The following BPTF variants were observed in gnomAD, a reference collection of about 807,000 sequenced individuals.
The protein encoded by BPTF is bromodomain PHD finger transcription factor, also known as nucleosome-remodeling factor subunit BPTF.
Under a neutral mutation model 292.5 loss-of-function variants are expected in BPTF, and 18 were observed. The ratio of observed to expected loss-of-function variants is 0.06; its 90% CI spans 0.04 to 0.09. The LOEUF is 0.09. Among genes scored for constraint, BPTF ranks in the 10% least tolerant of loss-of-function variants. The probability of loss-of-function intolerance (pLI) is 1.00; values close to 1 mark genes in which losing one functional copy is unlikely to be tolerated. For synonymous variants in BPTF, 1,225 were observed against 1,251.9 expected (o/e 0.98, Z 0.45); for missense variants, 2,726 against 3,498.7 (o/e 0.78, Z 5.57).
intron 27 of BPTF, among the ~76,000 whole-genome samples, chr17:67,979,105 C>T (rs868977387): frequency 4.3e-5 from 6 of 138,770 alleles, no homozygotes; most frequent in South Asian, 5.0e-4. Flanking sequence ...ATGAGGTAGA[C>T]GCTGCAGTGA....
intron 2 of BPTF, among the ~76,000 whole-genome samples, chr17:67,858,669 G>A (rs2058877886): frequency 1.3e-5 from 2 of 152,068 alleles, no homozygotes; most frequent in African/African-American, 2.4e-5. Flanking sequence ...ACATTCAGCA[G>A]TTAGCAGGTC....
At chr17:67,850,987 C>A (rs2058361306) in intron 1 of BPTF, among the ~76,000 whole-genome samples, 1 of 152,004 alleles carries the variant, frequency 6.6e-6, no homozygotes, top group Non-Finnish European at 1.5e-5. Flanking sequence ...CAAATTGATA[C>A]AATAAGCAAA....
In BPTF at chr17:67,854,020, T is replaced by C; in HGVS notation, c.694T>C (p.Ser232Pro). 1 of 1,614,202 alleles carries C rather than the reference T, an allele frequency of 6.2e-7. No homozygotes were observed. The highest frequency in any genetic ancestry group is 8.5e-7 in the Non-Finnish European group (1 of 1,180,026). Residue 232 changes from serine (S) to proline (P), a missense_variant, in exon 2 of 28, where the codon TCC becomes CCC. By Grantham distance (74) the Ser-to-Pro change is moderately conservative (BLOSUM62 -1). Transcript: ENST00000306378. This position sits in a 1 kb window ranked among gnomAD's most constrained non-coding sequence, Gnocchi z 5.6. ...KDIPPLEFPK[S>P]SEDLMVPNEH... ...CATCCCGCCCCTTGAATTTCCCAAG[T>C]CCTCTGAGGATTTAATGGTGCCTAA...
intron 11 of BPTF, among the ~76,000 whole-genome samples, chr17:67,918,402 T>C (rs1054796222): frequency 6.6e-6 from 1 of 152,236 alleles, no homozygotes; most frequent in Non-Finnish European, 1.5e-5. Context: ...AGGTTAACTT[T>C]ATAAAGTCTT....
At position 67,979,169 on chromosome 17, in the gene BPTF, C is replaced by CAAA. The variant is rs11376410; in HGVS notation, c.8727-3064_8727-3062dup. Among the ~76,000 whole-genome samples, 360 of 71,848 alleles carry CAAA rather than the reference C, an allele frequency of 5.0e-3. 10 individuals carry two copies. Among genetic ancestry groups the CAAA allele is most frequent in the Non-Finnish European group, 6.0e-3 (272 of 45,168 alleles). The allele number at this position is 71,848 out of a possible 152,430, so 47.1% of individuals were successfully genotyped here. A position where few individuals can be genotyped will look rare whatever the true frequency, so the allele number is the denominator to read the frequency against. On this transcript the variant is annotated intron_variant, in intron 27 of 27. Transcript: ENST00000306378. ...TGGAAGACACAACAAGACCCTGTCT[C>CAAA]AAAAAAAAAAAAAAAAAAAAAGGCC...
chr17:67,842,290 G>C lies in BPTF; in HGVS notation c.614-11650G>C, dbSNP rs549278311. Among the ~76,000 whole-genome samples the C allele has an allele frequency of 2.6e-5, 4 of 151,990 alleles. No individual in the cohort carries two copies. In the South Asian group the frequency reaches 8.3e-4, roughly 32 times the overall value. On this transcript the variant is annotated intron_variant, in intron 1 of 27. Coordinates refer to ENST00000306378, the MANE Select transcript of BPTF (RefSeq NM_182641.4). ...ATACAATGCATGCATGATACCTTTG[G>C]CCACTACATCCTTCTTAAATTTCCT...
chr17:67,854,433 T>A lies in BPTF; in HGVS notation c.1107T>A (p.Asp369Glu). Residue 369 changes from aspartate (D) to glutamate (E), a missense_variant, in exon 2 of 28, where the codon GAT becomes GAA. Physicochemically the swap from Asp to Glu is conservative, Grantham distance 45. Coordinates refer to ENST00000306378, the MANE Select transcript of BPTF (RefSeq NM_182641.4). This position sits in a 1 kb window ranked among gnomAD's most constrained non-coding sequence, Gnocchi z 5.6. The part of the protein sequence containing the change: ...NKIKVLQFLV[D>E]QFLTTNIARE... ...TCAAAGTTCTACAGTTTCTAGTCGA[T>A]CAGTTTCTTACAACAAATATTGCTC... The A allele has an allele frequency of 6.2e-7, 1 of 1,614,198 alleles. No individual in the cohort carries two copies. Among genetic ancestry groups the A allele is most frequent in the South Asian group, 1.1e-5 (1 of 91,084 alleles).
chr17:67,858,117 G>T (rs2145157727), intron 2 of BPTF, among the ~76,000 whole-genome samples: 1 of 152,278 alleles, frequency 6.6e-6, no homozygotes, highest in African/African-American at 2.4e-5. Flanking sequence ...TTTTAAGAAG[G>T]TTTCAGGAGG....
chr17:67,973,434 A>C (rs1599028757), intron 26 of BPTF, among the ~76,000 whole-genome samples: 1 of 151,988 alleles, frequency 6.6e-6, no homozygotes, highest in African/African-American at 2.4e-5. Context: ...TAATAAACCC[A>C]CAATTATCTT....
In BPTF at chr17:67,854,352, C is replaced by T. The variant is rs142245973; in HGVS notation, c.1026C>T (p.His342=). The T allele has an allele frequency of 6.0e-5, 97 of 1,614,086 alleles. No homozygotes were observed. In the African/African-American group the frequency reaches 6.7e-4, roughly 11 times the overall value. The change falls in exon 2 of 28, where the codon CAC becomes CAT. Residue 342 remains histidine, a synonymous_variant. Transcript: ENST00000306378. The surrounding 1 kb of genome is among the most constrained non-coding windows in gnomAD (Gnocchi z 5.6). ...VYCESDKEYH[H]VLPYQEAEDY... ...GTGAGAGTGATAAGGAGTACCATCA[C>T]GTTCTTCCTTACCAAGAGGCAGAGG...
intron 2 of BPTF, among the ~76,000 whole-genome samples, chr17:67,862,303 T>C (rs2145317691): frequency 1.3e-5 from 2 of 152,312 alleles, no homozygotes; most frequent in East Asian, 3.9e-4. Flanking sequence ...GTAAATATTA[T>C]ACACTTCATA....
chr17:67,891,807 T>C lies in BPTF; in HGVS notation c.1865-37T>C, dbSNP rs774050070. The C allele has an allele frequency of 2.3e-5, 34 of 1,472,162 alleles. No homozygotes were observed. In the South Asian group the frequency reaches 4.1e-4, roughly 18 times the overall value. 91.2% of individuals were successfully genotyped at this position (1,472,162 alleles called of 1,614,324 possible). On this transcript the variant is annotated intron_variant, in intron 4 of 27. Coordinates refer to ENST00000306378, the MANE Select transcript of BPTF (RefSeq NM_182641.4). Reference sequence around the variant, plus strand: ...TAAGGTGGTTATAATTATTTACTTATTGTCAGCAATTGCTTTGTGGCCTAT... The same window carrying C: ...TAAGGTGGTTATAATTATTTACTTACTGTCAGCAATTGCTTTGTGGCCTAT...
intron 27 of BPTF, chr17:67,981,519 T>C (rs1261278751): frequency 2.6e-6 from 3 of 1,132,458 alleles, no homozygotes; most frequent in Non-Finnish European, 3.3e-6. Context: ...ACCTCGTGAT[T>C]ACCTAATTCA....
At position 67,959,810 on chromosome 17, in the gene BPTF, C is replaced by T; in HGVS notation, c.8196C>T (p.Thr2732=). ...AGAAAAAGAAAATGATCTCTACTAC[C>T]TCAAAGGAAACTAAGAAGGACACAA... The part of the protein sequence containing the change: ...KSKKKKMIST[T]SKETKKDTKL... Residue 2732 remains threonine (T), a synonymous_variant, in exon 24 of 28, where the codon ACC becomes ACT. Coordinates refer to ENST00000306378, the MANE Select transcript of BPTF (RefSeq NM_182641.4). 6.2e-7 allele frequency: 1 copy of T among 1,613,816 alleles called. No homozygotes were observed. The highest frequency in any genetic ancestry group is 8.5e-7 in the Non-Finnish European group (1 of 1,179,946).
At chr17:67,961,971 CAA>C (rs59543153) in intron 24 of BPTF, among the ~76,000 whole-genome samples, 23 of 120,778 alleles carry the variant, frequency 1.9e-4, no homozygotes, top group East Asian at 2.2e-4. Flanking sequence ...AAAGCTCTGT[CAA>C]AAAAAAAAAA....
At chr17:67,908,689 C>T (rs552348578) in intron 9 of BPTF, among the ~76,000 whole-genome samples, 2 of 151,204 alleles carry the variant, frequency 1.3e-5, no homozygotes, top group East Asian at 3.9e-4. Flanking sequence ...GGGGTTTCAC[C>T]ATGTTGGCTA....
intron 15 of BPTF, among the ~76,000 whole-genome samples, chr17:67,925,134 G>A (rs965800678): frequency 6.6e-6 from 1 of 150,406 alleles, no homozygotes; most frequent in African/African-American, 2.5e-5. Context: ...GGTACACCAA[G>A]CTGTGGTTTT....
intron 2 of BPTF, among the ~76,000 whole-genome samples, chr17:67,859,228 G>A (rs112963276): frequency 5.3e-5 from 8 of 152,236 alleles, no homozygotes; most frequent in Non-Finnish European, 8.8e-5. Flanking sequence ...TCACTGCAGC[G>A]TCAGTCTCCT....
chr17:67,934,344 C>G (rs2064718096), intron 18 of BPTF, among the ~76,000 whole-genome samples: 1 of 151,812 alleles, frequency 6.6e-6, no homozygotes, highest in Non-Finnish European at 1.5e-5. Context: ...ATGGTGAAAC[C>G]CCTTCTCTAC....
Sources: gnomAD v4.1 joint callset for allele counts (sites outside exome capture counted in the v4.1 genomes callset) on GRCh38, gnomAD v4.1.1 for gene constraint, Gnocchi (gnomAD v3.1) non-coding constraint, MANE v1.5 for transcripts, NCBI Gene and HGNC (gene_info 2026-07-23, HGNC 2026-07-21) for gene names.